The following GLDC variants were observed in gnomAD, a reference collection of about 807,000 sequenced individuals.
GLDC encodes the protein glycine decarboxylase, also known as glycine dehydrogenase (decarboxylating), mitochondrial.
Under a neutral mutation model 121.3 loss-of-function variants are expected in GLDC, and 104 were observed. The observed-to-expected ratio is 0.86, with a 90% CI of 0.73 to 1.01. The LOEUF (loss-of-function observed/expected upper bound fraction) is 1.01. Ranked by LOEUF, GLDC falls within the 50% of genes least tolerant of loss-of-function variation. GLDC has a pLI of 0.00. For synonymous variants in GLDC, 546 were observed against 480.6 expected, an observed-to-expected ratio of 1.14 and a Z score of -1.78; for missense variants, 1,429 against 1,306.6, an observed-to-expected ratio of 1.09 and a Z score of -1.44.
chr9:6,545,438 C>G (rs1048208292), intron 21 of GLDC, among the ~76,000 whole-genome samples: 1 of 152,002 alleles, frequency 6.6e-6, no homozygotes, highest in Non-Finnish European at 1.5e-5. Flanking sequence ...AAAAATGGTA[C>G]ATCTGTGTAG....
chr9:6,545,334 T>C (rs1817365051), intron 21 of GLDC, among the ~76,000 whole-genome samples: 1 of 152,210 alleles, frequency 6.6e-6, no homozygotes, highest in Non-Finnish European at 1.5e-5. Flanking sequence ...CTGTACTGAA[T>C]ACTGTAGGCA....
At chr9:6,618,237 A>G (rs1313567967) in intron 3 of GLDC, among the ~76,000 whole-genome samples, 2 of 152,202 alleles carry the variant, frequency 1.3e-5, no homozygotes, top group Non-Finnish European at 2.9e-5. Flanking sequence ...GGTGTATAAA[A>G]TGGCACCAAT....
chr9:6,605,870 T>C (rs947670701), intron 5 of GLDC: 2 of 176,278 alleles, frequency 1.1e-5, no homozygotes, highest in Admixed American at 1.1e-4. Context: ...GCATCTCACC[T>C]AGGGACTCTG....
At chr9:6,624,937 G>A (rs897090226) in intron 2 of GLDC, among the ~76,000 whole-genome samples, 8 of 151,532 alleles carry the variant, frequency 5.3e-5, no homozygotes, top group African/African-American at 1.9e-4. Flanking sequence ...GCAGTGAGCT[G>A]AGATCACGCC....
At chr9:6,549,357 T>C (rs1361658709) in intron 21 of GLDC, among the ~76,000 whole-genome samples, 2 of 77,500 alleles carry the variant, frequency 2.6e-5, no homozygotes, top group South Asian at 5.5e-4. Context: ...CGGGGTGGGG[T>C]CGGGGGTGGG....
At chr9:6,578,277 A>T (rs1818111320) in intron 15 of GLDC, among the ~76,000 whole-genome samples, 1 of 150,692 alleles carries the variant, frequency 6.6e-6, no homozygotes, top group South Asian at 2.1e-4. Flanking sequence ...ATGCCACCAC[A>T]CCTGGCTAAT....
chr9:6,644,533 C>A (rs1282715101), intron 2 of GLDC, 81 bp downstream of exon 2: 2 of 941,654 alleles, frequency 2.1e-6, no homozygotes, highest in Non-Finnish European at 3.5e-6. Context: ...ATCCTTACCC[C>A]AGAGCTCGAT....
chr9:6,549,862 C>T (rs1817474244), intron 21 of GLDC, among the ~76,000 whole-genome samples: 1 of 152,102 alleles, frequency 6.6e-6, no homozygotes, highest in South Asian at 2.1e-4. Context: ...TTGTAACGGT[C>T]TCTTCATGAA....
In GLDC at chr9:6,645,307, G is replaced by C; in HGVS notation, c.193C>G (p.Arg65Gly). 3 of 1,596,912 alleles carry C rather than the reference G, an allele frequency of 1.9e-6. No homozygotes were observed. Among genetic ancestry groups the C allele is most frequent in the Non-Finnish European group, 2.6e-6 (3 of 1,173,172 alleles). The part of the protein sequence containing the change: ...RLLPRHDDFA[R>G]RHIGPGDKDQ... ...TTGTCCCCAGGGCCGATGTGCCTCCGAGCGAAGTCGTCGTGTCTGGGCAGA... is the reference window on the plus strand; with the variant it reads ...TTGTCCCCAGGGCCGATGTGCCTCCCAGCGAAGTCGTCGTGTCTGGGCAGA... Residue 65 changes from arginine to glycine, a missense_variant, in exon 1 of 25, where the codon CGG becomes GGG. Arg to Gly is a moderately radical substitution (Grantham distance 125). Transcript: ENST00000321612.
rs113719228 is a variant in GLDC at position 6,603,631 on chromosome 9, C to A, written c.1058+957G>T. Among the ~76,000 whole-genome samples, 408 of 152,180 alleles carry A rather than the reference C, an allele frequency of 2.7e-3. 1 individual carries two copies. Among genetic ancestry groups the A allele is most frequent in the African/African-American group, 9.5e-3 (396 of 41,526 alleles). ...TCAGCTTACTCACTTATGTTAAAGT[C>A]CAGCTTTTATCAAAGGTCAAAAACA... On this transcript the variant is annotated intron_variant, in intron 7 of 24. Coordinates refer to ENST00000321612, the MANE Select transcript of GLDC (RefSeq NM_000170.3).
At chr9:6,591,913 C>G (rs570824136) in intron 11 of GLDC, 5 of 423,930 alleles carry the variant, frequency 1.2e-5, no homozygotes. Context: ...CAATGAAACA[C>G]CATTAACAAT....
intron 8 of GLDC, among the ~76,000 whole-genome samples, chr9:6,598,198 T>C (rs1186930199): frequency 1.3e-5 from 2 of 151,406 alleles, no homozygotes; most frequent in African/African-American, 4.9e-5. Flanking sequence ...TGGCTAATTT[T>C]TGTACTTTTT....
chr9:6,608,428 A>C (rs1818781281), intron 4 of GLDC, among the ~76,000 whole-genome samples: 1 of 149,408 alleles, frequency 6.7e-6, no homozygotes, highest in Admixed American at 6.7e-5. Flanking sequence ...TCTCAAAAAA[A>C]ACAAAATAAT....
At chr9:6,603,773 A>C (rs549623804) in intron 7 of GLDC, among the ~76,000 whole-genome samples, 1 of 146,230 alleles carries the variant, frequency 6.8e-6, no homozygotes, top group South Asian at 2.2e-4. Context: ...CTCTGCACCC[A>C]AACTGGAGTG....
chr9:6,609,573 G>A (rs538157478), intron 4 of GLDC, among the ~76,000 whole-genome samples: 3 of 152,068 alleles, frequency 2.0e-5, no homozygotes, highest in South Asian at 4.1e-4. Context: ...TGTGTGTTAT[G>A]GGGGAGATCC....
Position 6,644,701 on chromosome 9 carries a change from A to G in GLDC, c.256-9T>C, listed in dbSNP as rs747777485. On this transcript the variant is annotated splice_polypyrimidine_tract_variant and intron_variant, in intron 1 of 24. Transcript: ENST00000321612. ...ATCAATTCATCAATGCTCTAAAATT[A>G]AAACGCAAGGCAGAGGAAAGTGCCT... 2 of 1,603,110 alleles carry G rather than the reference A, an allele frequency of 1.2e-6. No homozygotes were observed. Among genetic ancestry groups the G allele is most frequent in the Non-Finnish European group, 1.7e-6 (2 of 1,170,196 alleles).
chr9:6,604,377 A>G (rs989611636), intron 7 of GLDC, among the ~76,000 whole-genome samples: 2 of 152,208 alleles, frequency 1.3e-5, no homozygotes, highest in African/African-American at 4.8e-5. Context: ...TAAATTATAC[A>G]CAAAATTTTT....
intron 16 of GLDC, among the ~76,000 whole-genome samples, chr9:6,562,983 G>C (rs1817787944): frequency 6.6e-6 from 1 of 152,160 alleles, no homozygotes. Context: ...CTGAAGCACA[G>C]CACCCAGCCC....
chr9:6,547,451 G>A (rs185679296), intron 21 of GLDC, among the ~76,000 whole-genome samples: 2 of 152,182 alleles, frequency 1.3e-5, no homozygotes, highest in East Asian at 3.9e-4. Flanking sequence ...TTGTTTACTT[G>A]TTCTTCTGTC....
Sources: allele counts gnomAD v4.1 joint callset (sites outside exome capture counted in the v4.1 genomes callset), GRCh38; gene constraint gnomAD v4.1.1; transcripts MANE v1.5; gene names NCBI Gene and HGNC (gene_info 2026-07-23, HGNC 2026-07-21).